Variants in STRA6 observed in about 807,000 individuals in gnomAD.
The protein encoded by STRA6 is receptor for retinol uptake STRA6.
STRA6 carries 48 observed loss-of-function variants against 83.6 expected under a neutral mutation model. The observed-to-expected ratio is 0.57, with a 90% confidence interval of 0.46 to 0.73. The LOEUF is 0.73. Among genes scored for constraint, STRA6 ranks in the 30% least tolerant of loss-of-function variants. STRA6 has a pLI of 0.00. For synonymous variants in STRA6, 353 were observed against 362.3 expected (o/e 0.97, Z 0.29); for missense variants, 760 against 838.8 (o/e 0.91, Z 1.16).
intron 18 of STRA6, among the ~76,000 whole-genome samples, 196 bp from the exon 19 acceptor site, chr15:74,180,439 G>A (rs1431881490): frequency 6.6e-6 from 1 of 152,152 alleles, no homozygotes; most frequent in Admixed American, 6.5e-5. Flanking sequence ...ACAAGGGTCT[G>A]GAGCTGGCTT....
Position 74,183,916 on chromosome 15 carries a change from G to A in STRA6, c.1240C>T (p.Arg414Cys), listed in dbSNP as rs141586223. The A allele has an allele frequency of 2.2e-5, 36 of 1,613,900 alleles. No homozygotes were observed. Among genetic ancestry groups the A allele is most frequent in the Non-Finnish European group, 2.9e-5 (34 of 1,180,044 alleles). The change falls in exon 14 of 19, where the codon CGC (arginine) becomes TGC (cysteine). Residue 414 changes from arginine (R) to cysteine (C), a missense_variant. By Grantham distance (180) the Arg-to-Cys change is radical. Transcript: ENST00000395105. ...SPLHRSPHPS[R>C]QAIFCWMSFS... ...CTCATCCAACAGAATATGGCTTGGC[G>A]GGAGGGATGGGGACTCCGATGCAAG...
At chr15:74,209,171 G>C, upstream of STRA6, 2 of 1,252,242 alleles carry the variant, frequency 1.6e-6, no homozygotes, top group East Asian at 5.5e-5. Flanking sequence ...AGCAGGGGCT[G>C]GGGCCCCACA....
upstream of STRA6, chr15:74,209,693 C>T (rs1041095399): frequency 9.8e-6 from 5 of 508,698 alleles, no homozygotes; most frequent in Admixed American, 1.8e-4. Flanking sequence ...TGCATCCCCC[C>T]TCACCTGAGC....
intron 4 of STRA6, among the ~76,000 whole-genome samples, chr15:74,196,749 G>A (rs145720064): frequency 5.3e-5 from 8 of 152,312 alleles, no homozygotes; most frequent in Admixed American, 1.3e-4. Context: ...GACCTGCCTC[G>A]GTGCACAGTC....
intron 1 of STRA6, chr15:74,208,156 G>C: frequency 1.3e-6 from 1 of 786,962 alleles, no homozygotes; most frequent in Non-Finnish European, 1.7e-6. Context: ...TTCCCTCCCA[G>C]AGGGCTAGGC....
chr15:74,194,255 G>T, intron 7 of STRA6: 1 of 895,810 alleles, frequency 1.1e-6, no homozygotes, highest in Non-Finnish European at 1.5e-6. Flanking sequence ...ATTAGGAACA[G>T]TTCTGAAAAT....
At chr15:74,185,149 G>T in intron 12 of STRA6, 94 bp from the exon 13 acceptor site, 1 of 1,253,136 alleles carries the variant, frequency 8.0e-7, no homozygotes, top group Non-Finnish European at 1.1e-6. Flanking sequence ...CTTGTGGGGA[G>T]TTCCCCCTGC....
At chr15:74,203,663 G>C (rs1169252880), upstream of STRA6, among the ~76,000 whole-genome samples, 1 of 152,234 alleles carries the variant, frequency 6.6e-6, no homozygotes, top group Non-Finnish European at 1.5e-5. Flanking sequence ...TGCCAGCACT[G>C]TTCTGAGCCC....
chr15:74,200,347 C>A (rs1019275814), intron 2 of STRA6, among the ~76,000 whole-genome samples: 6 of 152,208 alleles, frequency 3.9e-5, no homozygotes, highest in Admixed American at 6.5e-5. Flanking sequence ...TGGGGCTGGG[C>A]AGGCCTTCCA....
rs775598231 is a variant in STRA6, at chr15:74,202,178, C to T, written c.90G>A (p.Gly30=). The T allele has an allele frequency of 1.3e-6, 2 of 1,509,400 alleles. No homozygotes were observed. The highest frequency in any genetic ancestry group is 4.6e-5 in the East Asian group (2 of 43,578). The allele number at this position is 1,509,400 out of a possible 1,614,324, so 93.5% of individuals were successfully genotyped here. The change falls in exon 2 of 19, where the codon GGG becomes GGA. Residue 30 remains glycine, a synonymous_variant. Coordinates refer to ENST00000395105, the MANE Select transcript of STRA6 (RefSeq NM_022369.4). The part of the protein sequence containing the change: ...YGSWYIDEPQ[G]GEELQPEGEV... ...ACCCCTCTGGCTGGAGCTCCTCGCC[C>T]CCCTGGGGCTCATCGATGTACCAGC...
chr15:74,203,043 C>A, upstream of STRA6: 1 of 985,904 alleles, frequency 1.0e-6, no homozygotes, highest in Non-Finnish European at 1.2e-6. Flanking sequence ...AGCCCCTGCC[C>A]GCCACATCTG....
Position 74,197,770 on chromosome 15 carries a change from G to A in STRA6, c.162C>T (p.Ala54=). 6.2e-7 allele frequency: 1 copy of A among 1,613,708 alleles called. No homozygotes were observed. The highest frequency in any genetic ancestry group is 8.5e-7 in the Non-Finnish European group (1 of 1,180,034). ...GACTCACTGACAGCGAGGCCAGGCA[G>A]GCGTGGTACAGGCCGGGTGGTATGC... ...HTSIPPGLYH[A]CLASLSILVL... The change falls in exon 3 of 19, where the codon GCC becomes GCT. Residue 54 remains alanine (A), a synonymous_variant. Coordinates refer to ENST00000395105, the MANE Select transcript of STRA6 (RefSeq NM_022369.4).
chr15:74,210,615 A>G (rs1045024431), upstream of STRA6, among the ~76,000 whole-genome samples: 14 of 152,244 alleles, frequency 9.2e-5, no homozygotes, highest in African/African-American at 2.7e-4. Context: ...TTTGAAATGC[A>G]TATTTTAAAA....
chr15:74,206,567 C>G (rs532207207), upstream of STRA6, among the ~76,000 whole-genome samples: 7 of 152,266 alleles, frequency 4.6e-5, no homozygotes, highest in Non-Finnish European at 1.0e-4. Context: ...GGCACTGATA[C>G]CCAGGAAGGC....
chr15:74,191,122 G>A (rs755098130), intron 10 of STRA6, 45 bp downstream of exon 10: 3 of 1,607,204 alleles, frequency 1.9e-6, no homozygotes, highest in Non-Finnish European at 2.5e-6. Flanking sequence ...TGCAAGGGAG[G>A]GTAACGTCCC....
chr15:74,194,243 G>T, intron 7 of STRA6: 1 of 802,678 alleles, frequency 1.2e-6, no homozygotes, highest in Non-Finnish European at 1.7e-6. Context: ...TGTTCCCGGA[G>T]CATTAGGAAC....
chr15:74,206,033 T>C (rs1397721840), upstream of STRA6, among the ~76,000 whole-genome samples: 1 of 152,192 alleles, frequency 6.6e-6, no homozygotes, highest in Non-Finnish European at 1.5e-5. Flanking sequence ...TATGTGGCCT[T>C]GAGTGAGTCT....
chr15:74,184,302 C>T (rs2073135738), intron 13 of STRA6, among the ~76,000 whole-genome samples: 1 of 152,324 alleles, frequency 6.6e-6, no homozygotes. Context: ...GGTAAAGAGG[C>T]AAGGCAAGCA....
chr15:74,189,855 G>C (rs1424377691), intron 11 of STRA6, among the ~76,000 whole-genome samples: 1 of 151,866 alleles, frequency 6.6e-6, no homozygotes, highest in Non-Finnish European at 1.5e-5. Flanking sequence ...GTAGAGACAG[G>C]GTTTCACTAC....
Sources: allele counts gnomAD v4.1 joint callset (sites outside exome capture counted in the v4.1 genomes callset), GRCh38; gene constraint gnomAD v4.1.1; transcripts MANE v1.5; gene names NCBI Gene and HGNC (gene_info 2026-07-23, HGNC 2026-07-21).